Variants in FRMD4A observed in about 807,000 individuals in gnomAD.
FRMD4A encodes the protein FERM domain containing 4A, also known as FERM domain-containing protein 4A.
A neutral mutation model predicts 129.1 loss-of-function variants in FRMD4A; 29 were observed. The observed-to-expected ratio is 0.22, with a 90% CI of 0.17 to 0.31. The LOEUF is 0.31. Ranked by LOEUF, FRMD4A falls within the 10% of genes least tolerant of loss-of-function variation. The pLI is 1.00. For synonymous variants in FRMD4A, 634 were observed against 571.6 expected, an observed-to-expected ratio of 1.11 and a Z score of -1.56; for missense variants, 1,272 against 1,375.8, an observed-to-expected ratio of 0.92 and a Z score of 1.19.
At chr10:13,957,226 C>T (rs1264800734) in intron 2 of FRMD4A, among the ~76,000 whole-genome samples, 2 of 152,160 alleles carry the variant, frequency 1.3e-5, no homozygotes, top group Non-Finnish European at 2.9e-5. Context: ...TACAGTGTGC[C>T]AGTGTTTATG....
chr10:13,717,252 A>AG (rs1392999698), intron 12 of FRMD4A, among the ~76,000 whole-genome samples: 3 of 152,214 alleles, frequency 2.0e-5, no homozygotes, highest in Non-Finnish European at 4.4e-5. Context: ...AAATGATGGT[A>AG]GGCCATTTCA....
chr10:14,008,114 T>G (rs1342967393), intron 2 of FRMD4A: 32 of 1,302,216 alleles, frequency 2.5e-5, no homozygotes, highest in Non-Finnish European at 3.1e-5. Context: ...GTAAAAGTCT[T>G]TGGGATCTAT....
intron 9 of FRMD4A, chr10:13,744,769 G>A (rs962615879): frequency 1.3e-5 from 2 of 152,212 alleles, no homozygotes; most frequent in Admixed American, 6.5e-5. Context: ...GGGTAAAAAC[G>A]TCTCCCCCAC....
chr10:14,157,136 C>A (rs917355248), intron 2 of FRMD4A, among the ~76,000 whole-genome samples: 8 of 152,226 alleles, frequency 5.3e-5, no homozygotes, highest in Non-Finnish European at 5.9e-5. Flanking sequence ...CAAAATGACT[C>A]TTCCTGTGCT....
At chr10:13,727,332 C>T (rs767157948) in intron 12 of FRMD4A, among the ~76,000 whole-genome samples, 5 of 152,294 alleles carry the variant, frequency 3.3e-5, no homozygotes, top group South Asian at 2.1e-4. Flanking sequence ...GACTGAAGGA[C>T]GTACGCCCTC....
intron 2 of FRMD4A, among the ~76,000 whole-genome samples, chr10:14,084,165 T>C (rs1414215599): frequency 6.6e-6 from 1 of 152,200 alleles, no homozygotes; most frequent in Non-Finnish European, 1.5e-5. Context: ...ACTTTTCCTC[T>C]AGACAGAGTC....
At chr10:13,891,854 G>C (rs889166811) in intron 2 of FRMD4A, 1 of 539,674 alleles carries the variant, frequency 1.9e-6, no homozygotes, top group African/African-American at 2.1e-5. Context: ...CCCGGCGCCA[G>C]TGAGCCCCGC....
At chr10:14,065,149 A>G (rs182629086) in intron 2 of FRMD4A, among the ~76,000 whole-genome samples, 1 of 152,198 alleles carries the variant, frequency 6.6e-6, no homozygotes, top group Admixed American at 6.5e-5. Context: ...CAGATAGAGA[A>G]TAGCCTCGCC....
chr10:14,238,801 G>C (rs1377012830), intron 2 of FRMD4A, among the ~76,000 whole-genome samples: 2 of 152,160 alleles, frequency 1.3e-5, no homozygotes, highest in African/African-American at 4.8e-5. Flanking sequence ...TTCTGTTCCT[G>C]TGTTAGTTTG....
intron 2 of FRMD4A, among the ~76,000 whole-genome samples, chr10:13,899,049 G>T (rs533052154): frequency 1.3e-5 from 2 of 152,088 alleles, no homozygotes; most frequent in African/African-American, 2.4e-5. Flanking sequence ...AGCTGGGTTT[G>T]CACCTGTAGT....
intron 15 of FRMD4A, among the ~76,000 whole-genome samples, chr10:13,678,603 C>A (rs2134746241): frequency 6.6e-6 from 1 of 152,328 alleles, no homozygotes; most frequent in African/African-American, 2.4e-5. Flanking sequence ...CATGTGTGCG[C>A]ACGCGCACGC....
chr10:14,274,786 T>C (rs1020082083), intron 2 of FRMD4A, among the ~76,000 whole-genome samples: 7 of 152,178 alleles, frequency 4.6e-5, no homozygotes. Context: ...CAATTCCACG[T>C]CTTGGTAGCA....
chr10:14,144,343 G>A (rs181837979), intron 2 of FRMD4A, among the ~76,000 whole-genome samples: 1 of 152,228 alleles, frequency 6.6e-6, no homozygotes, highest in African/African-American at 2.4e-5. Flanking sequence ...GGAGAGAGGA[G>A]GGGACCGAAA....
chr10:13,825,078 T>G (rs2093682197), intron 3 of FRMD4A, among the ~76,000 whole-genome samples: 3 of 152,152 alleles, frequency 2.0e-5, no homozygotes, highest in African/African-American at 7.2e-5. Context: ...CTATATATAC[T>G]GCTTTTTGTC....
At chr10:13,777,252 C>T (rs970943419) in intron 6 of FRMD4A, among the ~76,000 whole-genome samples, 3 of 152,246 alleles carry the variant, frequency 2.0e-5, no homozygotes, top group Non-Finnish European at 4.4e-5. Flanking sequence ...GTCACTTAGC[C>T]TCTCTGTACC....
intron 2 of FRMD4A, among the ~76,000 whole-genome samples, chr10:14,163,755 T>C (rs1841026550): frequency 6.6e-6 from 1 of 152,178 alleles, no homozygotes; most frequent in African/African-American, 2.4e-5. Context: ...AGGAACAGAA[T>C]TACTGCAAAT....
At chr10:13,810,035 T>C (rs1318507339) in intron 4 of FRMD4A, among the ~76,000 whole-genome samples, 2 of 152,052 alleles carry the variant, frequency 1.3e-5, no homozygotes, top group Admixed American at 6.6e-5. Flanking sequence ...GATCTATTAG[T>C]AGTTTAGGAA....
intron 2 of FRMD4A, among the ~76,000 whole-genome samples, chr10:14,282,874 A>G (rs963518447): frequency 6.6e-6 from 1 of 152,312 alleles, no homozygotes; most frequent in South Asian, 2.1e-4. Context: ...GGGACACCTT[A>G]TTACATAGAC....
At chr10:14,196,187 A>T (rs554936522) in intron 2 of FRMD4A, among the ~76,000 whole-genome samples, 1 of 147,416 alleles carries the variant, frequency 6.8e-6, no homozygotes, top group Non-Finnish European at 1.5e-5. Flanking sequence ...ACACACACAC[A>T]CATCCTTGCA....
Sources: gnomAD v4.1 joint callset for allele counts (sites outside exome capture counted in the v4.1 genomes callset) on GRCh38, gnomAD v4.1.1 for gene constraint, MANE v1.5 for transcripts, NCBI Gene and HGNC (gene_info 2026-07-23, HGNC 2026-07-21) for gene names.